HERC1: variants seen among roughly 807,000 people sequenced by gnomAD.
HERC1 encodes HECT and RLD domain containing E3 ubiquitin protein ligase family member 1, also known as probable E3 ubiquitin-protein ligase HERC1.
HERC1 carries 160 observed loss-of-function variants against 554.3 expected under a neutral mutation model. That is an observed-to-expected ratio of 0.29 (90% CI 0.25 to 0.33). HERC1 has a LOEUF of 0.33. HERC1 is among the 10% of genes least tolerant of loss of function. The probability of loss-of-function intolerance (pLI) is 1.00; values close to 1 mark genes in which losing one functional copy is unlikely to be tolerated. For missense variants in HERC1, 4,919 were observed against 5,918.5 expected (o/e 0.83, Z 5.54); for synonymous variants, 2,175 against 2,131.7 (o/e 1.02, Z -0.56).
intron 43 of HERC1, 84 bp from the exon 44 acceptor site, chr15:63,663,288 T>C (rs2070448347): frequency 9.0e-7 from 1 of 1,105,930 alleles, no homozygotes; most frequent in Non-Finnish European, 1.4e-6. Flanking sequence ...GCCATACATG[T>C]AGGTGAGAAC....
intron 64 of HERC1, among the ~76,000 whole-genome samples, 198 bp from the exon 65 acceptor site, chr15:63,636,340 G>A (rs925515703): frequency 4.0e-5 from 6 of 149,244 alleles, no homozygotes; most frequent in Admixed American, 1.3e-4. Context: ...GTGTGATCTC[G>A]GCTCACTGCA....
At chr15:63,614,477 G>C (rs2067730825) in intron 76 of HERC1, among the ~76,000 whole-genome samples, 1 of 152,148 alleles carries the variant, frequency 6.6e-6, no homozygotes, top group South Asian at 2.1e-4. Context: ...CTAATCCCTG[G>C]CTGTGTAAAT....
chr15:63,657,946 G>C (rs1281994402), intron 48 of HERC1, among the ~76,000 whole-genome samples: 2 of 152,014 alleles, frequency 1.3e-5, no homozygotes, highest in African/African-American at 4.8e-5. Context: ...TAAATCAAGT[G>C]TTTATTTATA....
At chr15:63,738,341 T>C (rs543375158) in intron 12 of HERC1, among the ~76,000 whole-genome samples, 2 of 152,190 alleles carry the variant, frequency 1.3e-5, no homozygotes, top group South Asian at 4.1e-4. Flanking sequence ...GGATCCCAAA[T>C]AGGATCCTGC....
chr15:63,623,524 T>C (rs1027147013), intron 73 of HERC1, among the ~76,000 whole-genome samples: 1 of 152,244 alleles, frequency 6.6e-6, no homozygotes, highest in Non-Finnish European at 1.5e-5. Context: ...GATATTTATG[T>C]AGTAAGGTAT....
At chr15:63,747,659 T>C in intron 11 of HERC1, 65 bp downstream of exon 11, 1 of 919,162 alleles carries the variant, frequency 1.1e-6, no homozygotes, top group Non-Finnish European at 1.6e-6. Context: ...AGGAATAATT[T>C]ATACACATGC....
At chr15:63,657,131 A>G (rs2152916793) in intron 48 of HERC1, among the ~76,000 whole-genome samples, 1 of 152,300 alleles carries the variant, frequency 6.6e-6, no homozygotes, top group East Asian at 1.9e-4. Context: ...GGTTATACCA[A>G]TTCATTTTCT....
intron 1 of HERC1, among the ~76,000 whole-genome samples, chr15:63,785,614 C>G (rs1028338711): frequency 6.6e-6 from 1 of 151,908 alleles, no homozygotes; most frequent in Non-Finnish European, 1.5e-5. Context: ...ACAAAAAATA[C>G]AAAAAATTAG....
chr15:63,784,917 T>C (rs1363289476), intron 1 of HERC1, among the ~76,000 whole-genome samples: 1 of 152,144 alleles, frequency 6.6e-6, no homozygotes, highest in Non-Finnish European at 1.5e-5. Flanking sequence ...GGCCTATCAG[T>C]GCAAATTTTC....
intron 31 of HERC1, among the ~76,000 whole-genome samples, 157 bp from the exon 32 acceptor site, chr15:63,690,804 C>T (rs1212918339): frequency 6.6e-6 from 1 of 152,152 alleles, no homozygotes; most frequent in Admixed American, 6.5e-5. Context: ...CCATCCTGTA[C>T]CCATGAATGC....
chr15:63,821,163 T>C (rs527741742), intron 1 of HERC1, among the ~76,000 whole-genome samples: 1 of 152,150 alleles, frequency 6.6e-6, no homozygotes, highest in Non-Finnish European at 1.5e-5. Flanking sequence ...AGCTCATGCC[T>C]ATAATCCCAG....
chr15:63,831,450 A>G (rs1158857361), intron 1 of HERC1, among the ~76,000 whole-genome samples: 4 of 152,226 alleles, frequency 2.6e-5, no homozygotes, highest in Admixed American at 6.5e-5. Context: ...TCAACAGATT[A>G]TAGTAAGTTT....
chr15:63,801,673 A>G (rs1053698209), intron 1 of HERC1, among the ~76,000 whole-genome samples: 1 of 152,254 alleles, frequency 6.6e-6, no homozygotes, highest in African/African-American at 2.4e-5. Flanking sequence ...CAGGTAGTCC[A>G]TTATGCATAT....
intron 2 of HERC1, among the ~76,000 whole-genome samples, chr15:63,770,755 T>C (rs1000431567): frequency 1.7e-4 from 26 of 152,190 alleles, no homozygotes; most frequent in African/African-American, 6.0e-4. Flanking sequence ...CTCTAACTTA[T>C]AGCTGGGAGA....
chr15:63,796,689 T>C (rs62020827), intron 1 of HERC1, among the ~76,000 whole-genome samples: 4,710 of 152,304 alleles, frequency 0.031, 114 homozygotes, highest in Middle Eastern at 0.065. Context: ...AAAATGTCCA[T>C]TGATTCAGTC....
At chr15:63,740,429 C>G (rs1384402641) in intron 12 of HERC1, among the ~76,000 whole-genome samples, 2 of 152,160 alleles carry the variant, frequency 1.3e-5, no homozygotes, top group Non-Finnish European at 2.9e-5. Flanking sequence ...GTTTTCAATG[C>G]TCTTGGGTAC....
At chr15:63,672,785 A>T (rs1404911792) in intron 38 of HERC1, 91 bp from the exon 39 acceptor site, 1 of 797,536 alleles carries the variant, frequency 1.3e-6, no homozygotes, top group Non-Finnish European at 2.0e-6. Context: ...TGTTTAATTT[A>T]AAAGTTTCTA....
chr15:63,716,833 T>C (rs1168339571), intron 21 of HERC1, among the ~76,000 whole-genome samples: 1 of 152,250 alleles, frequency 6.6e-6, no homozygotes, highest in African/African-American at 2.4e-5. Flanking sequence ...AGAATTTTTA[T>C]TCTATTCCAT....
chr15:63,674,335 A>C lies in HERC1; in HGVS notation c.7846+7T>G. Reference sequence around the variant, plus strand: ...AAAGCAAAAAAAAAAAAAATCAGATAACATACCTTGCTTAATTTTGCCCCC... The same window carrying C: ...AAAGCAAAAAAAAAAAAAATCAGATCACATACCTTGCTTAATTTTGCCCCC... On this transcript the variant is annotated splice_region_variant and intron_variant, in intron 38 of 77. Coordinates refer to ENST00000443617, the MANE Select transcript of HERC1 (RefSeq NM_003922.4). 4.4e-6 allele frequency: 7 copies of C among 1,580,454 alleles called. No individual in the cohort carries two copies. The highest frequency in any genetic ancestry group is 6.0e-6 in the Non-Finnish European group (7 of 1,164,380).
Sources: gnomAD v4.1 joint callset for allele counts (sites outside exome capture counted in the v4.1 genomes callset) on GRCh38, gnomAD v4.1.1 for gene constraint, MANE v1.5 for transcripts, NCBI Gene and HGNC (gene_info 2026-07-23, HGNC 2026-07-21) for gene names.